Variants in SERPINB11 observed in about 807,000 individuals in gnomAD.
SERPINB11 encodes serpin B11.
A neutral mutation model predicts 36.7 loss-of-function variants in SERPINB11; 32 were observed. That is an observed-to-expected ratio of 0.87 (90% CI 0.66 to 1.17). The LOEUF (loss-of-function observed/expected upper bound fraction) is 1.17. Among genes scored for constraint, SERPINB11 ranks in the 50% most tolerant of loss-of-function variants. The pLI, the probability that SERPINB11 is intolerant of heterozygous loss-of-function variation, is 0.00. For missense variants in SERPINB11, 528 were observed against 458.4 expected (o/e 1.15, Z -1.39); for synonymous variants, 174 against 168.1 (o/e 1.04, Z -0.27).
At chr18:63,714,483 A>T (rs990635896) in intron 4 of SERPINB11, among the ~76,000 whole-genome samples, 1 of 152,040 alleles carries the variant, frequency 6.6e-6, no homozygotes, top group African/African-American at 2.4e-5. Context: ...GCTACGGGAG[A>T]CCGGGGCTTA....
intron 6 of SERPINB11, chr18:63,720,570 A>G (rs1914783911): frequency 4.9e-6 from 2 of 407,312 alleles, no homozygotes; most frequent in Non-Finnish European, 8.6e-6. Flanking sequence ...CATGTTAGCT[A>G]AAAATCCTGA....
intron 4 of SERPINB11, among the ~76,000 whole-genome samples, chr18:63,714,449 C>T (rs1393744987): frequency 6.6e-6 from 1 of 152,080 alleles, no homozygotes; most frequent in Non-Finnish European, 1.5e-5. Flanking sequence ...TCAGGAATTT[C>T]CTCGTCCTGA....
rs1417234650 is a variant in SERPINB11 at position 63,720,853 on chromosome 18, T to C, written c.641T>C (p.Met214Thr). 3.2e-6 allele frequency: 5 copies of C among 1,559,324 alleles called. No homozygotes were observed. Among genetic ancestry groups the C allele is most frequent in the Middle Eastern group, 2.0e-4 (1 of 4,906 alleles). The change falls in exon 7 of 8, where the codon ATG (methionine) becomes ACG (threonine). Residue 214 changes from methionine (M) to threonine (T), a missense_variant. Coordinates refer to ENST00000544088, the MANE Select transcript of SERPINB11 (RefSeq NM_001370475.1). Reference protein sequence around the residue: ...LSEGKNVTVEMMYQIGTFKLA... With the variant: ...LSEGKNVTVETMYQIGTFKLA... Reference sequence around the variant, plus strand: ...CAGGGTAAAAATGTAACTGTGGAAATGATGTATCAAATTGGAACATTTAAA... The same window carrying C: ...CAGGGTAAAAATGTAACTGTGGAAACGATGTATCAAATTGGAACATTTAAA...
Position 63,723,155 on chromosome 18 carries a change from A to G in SERPINB11, c.935A>G (p.Gln312Arg), listed in dbSNP as rs1418263936. 1.2e-6 allele frequency: 2 copies of G among 1,612,028 alleles called. No individual in the cohort carries two copies. The highest frequency in any genetic ancestry group is 1.7e-6 in the Non-Finnish European group (2 of 1,178,862). Residue 312 changes from glutamine (Q) to arginine (R), a missense_variant, in exon 8 of 8, where the codon CAG (glutamine) becomes CGG (arginine). By Grantham distance (43) the Gln-to-Arg change is conservative. Transcript: ENST00000544088. ...KSLGVTDLFN[Q>R]VKADLSGMSP... is the part of the protein sequence containing the mutation. ...CTAGGGGTGACAGATCTCTTCAACC[A>G]GGTCAAAGCTGATCTTTCTGGAATG...
chr18:63,710,431 T>C (rs542299556), intron 2 of SERPINB11, 70 bp downstream of exon 2: 1 of 1,300,980 alleles, frequency 7.7e-7, no homozygotes, highest in Admixed American at 2.5e-5. Flanking sequence ...GTCAGCAAAA[T>C]TAATTCTATC....
rs1914653939 is a variant in SERPINB11 at position 63,715,904 on chromosome 18, G to A, written c.358-131G>A. The A allele has an allele frequency of 9.0e-6, 5 of 553,904 alleles. No homozygotes were observed. In the East Asian group the frequency reaches 1.5e-4, roughly 17 times the overall value. 34.3% of individuals were successfully genotyped at this position (553,904 alleles called of 1,614,324 possible). On this transcript the variant is annotated intron_variant, in intron 4 of 7. Coordinates refer to ENST00000544088, the MANE Select transcript of SERPINB11 (RefSeq NM_001370475.1). ...TTAAAAATAAGTACATATGGATCCT[G>A]TTTCCTCTCAGACTTGTTTATGGGA...
intron 1 of SERPINB11, among the ~76,000 whole-genome samples, chr18:63,703,594 G>T (rs770290857): frequency 6.6e-6 from 1 of 152,224 alleles, no homozygotes; most frequent in Admixed American, 6.5e-5. Flanking sequence ...AGGGCAGAGA[G>T]TAAGAGTAAA....
At chr18:63,710,135 A>G in intron 1 of SERPINB11, 44 bp from the exon 2 acceptor site, 1 of 1,469,826 alleles carries the variant, frequency 6.8e-7, no homozygotes, top group Non-Finnish European at 9.2e-7. Context: ...TACTATCTGT[A>G]ACTTCAAGTG....
At chr18:63,715,373 C>T (rs1914641599) in intron 4 of SERPINB11, among the ~76,000 whole-genome samples, 1 of 152,012 alleles carries the variant, frequency 6.6e-6, no homozygotes, top group Admixed American at 6.6e-5. Flanking sequence ...CACAGGAGGG[C>T]CTCCGGAGTA....
At chr18:63,719,881 A>G in intron 5 of SERPINB11, 132 bp from the exon 6 acceptor site, 1 of 634,416 alleles carries the variant, frequency 1.6e-6, no homozygotes, top group South Asian at 3.0e-5. Flanking sequence ...CAGGAGATGA[A>G]AGGAGTTCTT....
chr18:63,720,391 C>T, intron 6 of SERPINB11: 1 of 494,362 alleles, frequency 2.0e-6, no homozygotes, highest in Non-Finnish European at 3.5e-6. Flanking sequence ...GGAGAAAACC[C>T]ATTCTTTTCT....
intron 1 of SERPINB11, among the ~76,000 whole-genome samples, chr18:63,706,922 G>T (rs1914386836): frequency 6.6e-6 from 1 of 152,170 alleles, no homozygotes; most frequent in Admixed American, 6.5e-5. Flanking sequence ...TGCAGTAGTA[G>T]ACACATGCAG....
At chr18:63,713,587 G>A (rs1914585313) in intron 4 of SERPINB11, among the ~76,000 whole-genome samples, 1 of 152,184 alleles carries the variant, frequency 6.6e-6, no homozygotes, top group African/African-American at 2.4e-5. Context: ...TAACCTATGT[G>A]ATGAGCTTCT....
chr18:63,716,652 AT>A (rs1188279889), intron 5 of SERPINB11, among the ~76,000 whole-genome samples: 4 of 152,094 alleles, frequency 2.6e-5, no homozygotes, highest in African/African-American at 9.7e-5. Context: ...ATATTCTATC[AT>A]TTTCCTTCAC....
rs372883000 is a variant in SERPINB11, at chr18:63,720,752, C to T, written c.619-79C>T. On this transcript the variant is annotated intron_variant, in intron 6 of 7. Coordinates refer to ENST00000544088, the MANE Select transcript of SERPINB11 (RefSeq NM_001370475.1). ...CCTTTAGAGTGTTCATGCAGATATC[C>T]GTGTTATGCAAGGTAATCAGTACAC... 50 of 1,019,496 alleles carry T rather than the reference C, an allele frequency of 4.9e-5. No individual in the cohort carries two copies. The African/African-American group carries it at 6.0e-4, about 12-fold the overall frequency. 63.2% of individuals were successfully genotyped at this position (1,019,496 alleles called of 1,614,324 possible).
intron 2 of SERPINB11, 58 bp from the exon 3 acceptor site, chr18:63,711,277 C>A (rs1011691054): frequency 4.3e-6 from 5 of 1,171,328 alleles, no homozygotes; most frequent in South Asian, 1.3e-5. Flanking sequence ...CAACTGTCAA[C>A]CTTTATAGAC....
chr18:63,711,266 AC>A, intron 2 of SERPINB11, 68 bp from the exon 3 acceptor site: 1 of 1,046,306 alleles, frequency 9.6e-7, no homozygotes, highest in Non-Finnish European at 1.5e-6. Context: ...ATAGATACTT[AC>A]AACTGTCAAC....
At position 63,723,123 on chromosome 18, in the gene SERPINB11, A is replaced by G. The variant is rs770047399; in HGVS notation, c.903A>G (p.Leu301=). The change falls in exon 8 of 8, where the codon TTA becomes TTG. Residue 301 remains leucine (L), a synonymous_variant. Coordinates refer to ENST00000544088, the MANE Select transcript of SERPINB11 (RefSeq NM_001370475.1). ...CTAAGTATGAGCTAAATTCCCTGTTAAAATCTCTAGGGGTGACAGATCTCT... is the reference window on the plus strand; with the variant it reads ...CTAAGTATGAGCTAAATTCCCTGTTGAAATCTCTAGGGGTGACAGATCTCT... The part of the protein sequence containing the change: ...LETKYELNSL[L]KSLGVTDLFN... 18 of 1,608,532 alleles carry G rather than the reference A, an allele frequency of 1.1e-5. No individual in the cohort carries two copies. Among genetic ancestry groups the G allele is most frequent in the African/African-American group, 2.7e-5 (2 of 74,880 alleles).
chr18:63,710,400 T>C (rs1470091356), intron 2 of SERPINB11, 39 bp downstream of exon 2: 2 of 1,544,110 alleles, frequency 1.3e-6, no homozygotes, highest in Non-Finnish European at 8.8e-7. Flanking sequence ...AACCCAGAAG[T>C]CTTTCATGCT....
Sources: allele counts gnomAD v4.1 joint callset (sites outside exome capture counted in the v4.1 genomes callset), GRCh38; gene constraint gnomAD v4.1.1; transcripts MANE v1.5; gene names NCBI Gene and HGNC (gene_info 2026-07-23, HGNC 2026-07-21).